Variants in SLC2A9 observed in about 807,000 individuals in gnomAD.
The protein encoded by SLC2A9 is solute carrier family 2, facilitated glucose transporter member 9.
A neutral mutation model predicts 50.6 loss-of-function variants in SLC2A9; 39 were observed. The observed-to-expected ratio is 0.77, with a 90% confidence interval of 0.60 to 1.01. The LOEUF (loss-of-function observed/expected upper bound fraction) is 1.01. Among genes scored for constraint, SLC2A9 ranks in the 50% least tolerant of loss-of-function variants. The probability of loss-of-function intolerance (pLI) is 0.00; values close to 1 mark genes in which losing one functional copy is unlikely to be tolerated. For missense variants in SLC2A9, 686 were observed against 677.6 expected, an observed-to-expected ratio of 1.01 and a Z score of -0.14; for synonymous variants, 324 against 276.9, an observed-to-expected ratio of 1.17 and a Z score of -1.69.
At chr4:9,836,154 G>A (rs1197742842) in intron 10 of SLC2A9, among the ~76,000 whole-genome samples, 1 of 149,276 alleles carries the variant, frequency 6.7e-6, no homozygotes, top group Admixed American at 6.7e-5. Flanking sequence ...TCGGGGGAAA[G>A]GGTGGGAGGG....
At chr4:9,837,612 G>A (rs922109220) in intron 10 of SLC2A9, among the ~76,000 whole-genome samples, 20 of 152,314 alleles carry the variant, frequency 1.3e-4, no homozygotes, top group African/African-American at 4.3e-4. Context: ...TTTCTTCAGG[G>A]CTTGAGGCCA....
chr4:10,032,656 G>T (rs1391136716), intron 1 of SLC2A9, among the ~76,000 whole-genome samples: 2 of 152,130 alleles, frequency 1.3e-5, no homozygotes, highest in African/African-American at 4.8e-5. Flanking sequence ...AGGATCACAG[G>T]AGACAAGCCC....
intron 5 of SLC2A9, among the ~76,000 whole-genome samples, chr4:9,966,056 T>C (rs1339148210): frequency 1.3e-5 from 2 of 152,172 alleles, no homozygotes; most frequent in East Asian, 3.9e-4. Context: ...GAAACAAATA[T>C]ACTTATAAGA....
chr4:9,986,873 A>C (rs192074043), intron 3 of SLC2A9, among the ~76,000 whole-genome samples: 8 of 152,322 alleles, frequency 5.3e-5, no homozygotes, highest in Admixed American at 2.0e-4. Flanking sequence ...TTCCTGCACC[A>C]GCTCTATCCT....
intron 3 of SLC2A9, among the ~76,000 whole-genome samples, chr4:9,801,942 A>C (rs1482771539): frequency 2.0e-5 from 3 of 152,210 alleles, no homozygotes; most frequent in African/African-American, 7.2e-5. Flanking sequence ...TGAACATTTC[A>C]GGCAAGGGTG....
intron 5 of SLC2A9, among the ~76,000 whole-genome samples, chr4:9,960,116 C>A (rs948542001): frequency 6.6e-6 from 1 of 152,190 alleles, no homozygotes; most frequent in Non-Finnish European, 1.5e-5. Context: ...AGGAGAGGAG[C>A]CTTATTGTTC....
chr4:9,929,939 C>T lies in SLC2A9; in HGVS notation c.815-9367G>A, dbSNP rs192760701. Among the ~76,000 whole-genome samples, 8 of 152,274 alleles carry T rather than the reference C, an allele frequency of 5.3e-5. No individual in the cohort carries two copies. In the East Asian group the frequency reaches 1.5e-3, roughly 29 times the overall value. On this transcript the variant is annotated intron_variant, in intron 6 of 11. Coordinates refer to ENST00000264784, the MANE Select transcript of SLC2A9 (RefSeq NM_020041.3). ...CACTGCCTTCTCACTTCTCTGGAGGCACCACCCTCATGACCTCAGCCAGCC... is the reference window on the plus strand; with the variant it reads ...CACTGCCTTCTCACTTCTCTGGAGGTACCACCCTCATGACCTCAGCCAGCC...
intron 3 of SLC2A9, among the ~76,000 whole-genome samples, chr4:9,793,478 T>C (rs570450813): frequency 6.6e-6 from 1 of 152,320 alleles, no homozygotes; most frequent in African/African-American, 2.4e-5. Context: ...TCTTTCCACA[T>C]AAAAGAAGTT....
chr4:9,832,282 C>T lies in SLC2A9; in HGVS notation c.1419+2599G>A, dbSNP rs146066521. On this transcript the variant is annotated intron_variant, in intron 11 of 11. Coordinates refer to ENST00000264784, the MANE Select transcript of SLC2A9 (RefSeq NM_020041.3). The stretch of plus-strand genomic sequence containing the variant: ...GGGGATGTGACTCAGAACTTGTTAG[C>T]CCTGTATTTCTCTAATGCATTGATC... 2.7e-3 allele frequency among the ~76,000 whole-genome samples: 408 copies of T among 152,232 alleles called. 1 individual carries two copies. The highest frequency in any genetic ancestry group is 4.4e-3 in the Non-Finnish European group (296 of 68,018).
chr4:9,793,174 A>G (rs2108892158), intron 3 of SLC2A9, among the ~76,000 whole-genome samples: 1 of 152,388 alleles, frequency 6.6e-6, no homozygotes, highest in South Asian at 2.1e-4. Context: ...CGGCCACTAT[A>G]GATTTTTCTC....
chr4:9,913,238 C>T (rs1742175849), intron 7 of SLC2A9, among the ~76,000 whole-genome samples: 1 of 150,222 alleles, frequency 6.7e-6, no homozygotes, highest in Non-Finnish European at 1.5e-5. Flanking sequence ...GCTACAGAAG[C>T]AATAGAAAAC....
intron 5 of SLC2A9, among the ~76,000 whole-genome samples, chr4:9,948,616 G>T (rs1343730517): frequency 6.6e-6 from 1 of 152,164 alleles, no homozygotes; most frequent in Non-Finnish European, 1.5e-5. Context: ...GCATCCAATG[G>T]CTGACTGATG....
chr4:9,932,894 T>C (rs1354025488), intron 6 of SLC2A9, among the ~76,000 whole-genome samples: 1 of 152,240 alleles, frequency 6.6e-6, no homozygotes, highest in Non-Finnish European at 1.5e-5. Flanking sequence ...GATGCATCGT[T>C]AGAGGAAGAA....
chr4:9,850,343 G>A (rs1488760638), intron 10 of SLC2A9, among the ~76,000 whole-genome samples: 1 of 152,168 alleles, frequency 6.6e-6, no homozygotes, highest in Non-Finnish European at 1.5e-5. Context: ...GGTTTGGTGT[G>A]GGAACATCTG....
chr4:9,951,388 G>A (rs2108846411), intron 5 of SLC2A9, among the ~76,000 whole-genome samples: 1 of 152,212 alleles, frequency 6.6e-6, no homozygotes, highest in South Asian at 2.1e-4. Context: ...GTATAAAAAG[G>A]AATAAATCCA....
intron 10 of SLC2A9, among the ~76,000 whole-genome samples, chr4:9,842,014 C>A (rs1728155829): frequency 6.6e-6 from 1 of 152,148 alleles, no homozygotes; most frequent in African/African-American, 2.4e-5. Flanking sequence ...ATCTCCTATG[C>A]TAGAATTATC....
intron 5 of SLC2A9, among the ~76,000 whole-genome samples, chr4:9,946,547 T>C (rs1749195962): frequency 6.6e-6 from 1 of 152,216 alleles, no homozygotes; most frequent in Non-Finnish European, 1.5e-5. Context: ...CATTGCTCCA[T>C]GCTGCTGGAT....
intron 10 of SLC2A9, 110 bp from the exon 11 acceptor site, chr4:9,835,118 T>A: frequency 6.6e-7 from 1 of 1,507,242 alleles, no homozygotes; most frequent in Non-Finnish European, 9.1e-7. Flanking sequence ...GCCCCTTGAC[T>A]GGATGTGTAG....
chr4:9,974,754 T>A (rs1754508420), intron 5 of SLC2A9, among the ~76,000 whole-genome samples: 1 of 151,900 alleles, frequency 6.6e-6, no homozygotes. Flanking sequence ...AAAAAAAAAT[T>A]CTAAAATTCA....
Sources: allele counts gnomAD v4.1 joint callset (sites outside exome capture counted in the v4.1 genomes callset), GRCh38; gene constraint gnomAD v4.1.1; transcripts MANE v1.5; gene names NCBI Gene and HGNC (gene_info 2026-07-23, HGNC 2026-07-21).